The following BAZ2A variants were observed in gnomAD, a reference collection of about 807,000 sequenced individuals.
BAZ2A encodes bromodomain adjacent to zinc finger domain protein 2A.
A neutral mutation model predicts 199.9 loss-of-function variants in BAZ2A; 34 were observed. The observed-to-expected ratio is 0.17, with a 90% CI of 0.13 to 0.23. The LOEUF (loss-of-function observed/expected upper bound fraction) is 0.23, where lower values mean the gene tolerates loss of function less well. Ranked by LOEUF, BAZ2A falls within the 10% of genes least tolerant of loss-of-function variation. The pLI is 1.00. For missense variants in BAZ2A, 2,002 were observed against 2,391.1 expected, an observed-to-expected ratio of 0.84 and a Z score of 3.39; for synonymous variants, 857 against 883.9, an observed-to-expected ratio of 0.97 and a Z score of 0.54.
Position 56,600,209 on chromosome 12 carries a change from A to T in BAZ2A, c.4884T>A (p.Thr1628=). The T allele has an allele frequency of 6.2e-7, 1 of 1,613,966 alleles. No individual in the cohort carries two copies. Among genetic ancestry groups the T allele is most frequent in the Non-Finnish European group, 8.5e-7 (1 of 1,179,828 alleles). ...GGGTGGGAGTCACTCACATCTCTGT[A>T]GTGGTGCCCTCAGGGGCACCATTAG... is the stretch of plus-strand genomic sequence containing the variant. ...STPNGAPEGT[T]TEISYEITPR... The change falls in exon 24 of 29, where the codon ACT becomes ACA. Residue 1628 remains threonine, a synonymous_variant. Transcript: ENST00000549884.
chr12:56,600,924 G>A lies in BAZ2A; in HGVS notation c.4450+19C>T, dbSNP rs1886403699. On this transcript the variant is annotated intron_variant, in intron 22 of 28. Coordinates refer to ENST00000549884, the MANE Select transcript of BAZ2A (RefSeq NM_001300905.2). Reference sequence around the variant, plus strand: ...ATCCTGGGCTCTTCAGCTCAAGCTGGGTGTAGGAATGTATTTACCAGCTGA... The same window carrying A: ...ATCCTGGGCTCTTCAGCTCAAGCTGAGTGTAGGAATGTATTTACCAGCTGA... 5 of 1,613,232 alleles carry A rather than the reference G, an allele frequency of 3.1e-6. No homozygotes were observed. Among genetic ancestry groups the A allele is most frequent in the Non-Finnish European group, 4.2e-6 (5 of 1,179,468 alleles).
chr12:56,636,234 C>T, exon 1 of BAZ2A: 1 of 1,579,918 alleles, frequency 6.3e-7, no homozygotes, highest in African/African-American at 1.3e-5. Context: ...CCTCACTGTC[C>T]TTGGGCCTCC....
At chr12:56,625,896 A>G (rs1247109697) in intron 1 of BAZ2A, among the ~76,000 whole-genome samples, 1 of 150,828 alleles carries the variant, frequency 6.6e-6, no homozygotes, top group Admixed American at 6.6e-5. Context: ...AAAAAAAAAA[A>G]ACAACAACAA....
chr12:56,599,414 A>G (rs187470087), intron 26 of BAZ2A, 56 bp from the exon 27 acceptor site: 331 of 1,541,394 alleles, frequency 2.1e-4, no homozygotes, highest in Non-Finnish European at 2.8e-4. Context: ...TGCTTGCCCT[A>G]CTACAATCTC....
chr12:56,603,141 C>A (rs1950235479), intron 18 of BAZ2A, among the ~76,000 whole-genome samples: 1 of 152,172 alleles, frequency 6.6e-6, no homozygotes, highest in Non-Finnish European at 1.5e-5. Flanking sequence ...ATTAGCCAGG[C>A]ATGGTGGCTC....
At chr12:56,630,073 A>T in intron 1 of BAZ2A, 52 bp downstream of exon 1, 2 of 940,542 alleles carry the variant, frequency 2.1e-6, no homozygotes, top group Non-Finnish European at 2.5e-6. Context: ...GAAGCCTCGG[A>T]TGAAAGCGGG....
chr12:56,627,113 G>A (rs1184890800), intron 1 of BAZ2A, among the ~76,000 whole-genome samples: 2 of 152,144 alleles, frequency 1.3e-5, no homozygotes, highest in East Asian at 1.9e-4. Flanking sequence ...AGGGGTTTTT[G>A]CCTGGAAAAT....
At chr12:56,633,845 C>T (rs766728287), upstream of BAZ2A, among the ~76,000 whole-genome samples, 4 of 152,114 alleles carry the variant, frequency 2.6e-5, no homozygotes, top group Admixed American at 6.5e-5. Flanking sequence ...TCCAGCCTGC[C>T]AGGTTCAAGC....
intron 1 of BAZ2A, among the ~76,000 whole-genome samples, chr12:56,623,754 G>A (rs1048764647): frequency 4.6e-5 from 7 of 151,922 alleles, no homozygotes; most frequent in African/African-American, 1.2e-4. Context: ...ACAGGACAGC[G>A]CCCCCCACAA....
In BAZ2A at chr12:56,604,769, C is replaced by CA; in HGVS notation, c.2778dup (p.Glu927Ter). ...ACATTGTCTCTTGTCAGTGGGATCT[C>CA]AGACACCTTCTCCCCCAAGATCTTT... On this transcript the variant is annotated frameshift_variant, in exon 15 of 29. Transcript: ENST00000549884. LOFTEE classifies it high-confidence loss of function. 6.2e-7 allele frequency: 1 copy of CA among 1,613,824 alleles called. No homozygotes were observed.
At position 56,605,206 on chromosome 12, in the gene BAZ2A, T is replaced by C; in HGVS notation, c.2615A>G (p.Lys872Arg). The change falls in exon 14 of 29, where the codon AAA (lysine) becomes AGA (arginine). Residue 872 changes from lysine to arginine, a missense_variant. By Grantham distance (26) the Lys-to-Arg change is conservative. This residue lies in a region of BAZ2A where 1,081 missense variants were observed against 1,274.7 expected (regional missense o/e 0.85). Transcript: ENST00000549884. Reference sequence around the variant, plus strand: ...CAGGACCCCCAGGCTAGGCACATCTTTGGCAGGATCAAAGCCCAGCACCTT... The same window carrying C: ...CAGGACCCCCAGGCTAGGCACATCTCTGGCAGGATCAAAGCCCAGCACCTT... ...FGKVLGFDPA[K>R]DVPSLGVLQE... 6.2e-7 allele frequency: 1 copy of C among 1,613,724 alleles called. No homozygotes were observed. Among genetic ancestry groups the C allele is most frequent in the African/African-American group, 1.3e-5 (1 of 74,942 alleles).
At position 56,601,946 on chromosome 12, in the gene BAZ2A, T is replaced by A. The variant is rs757528722; in HGVS notation, c.3671A>T (p.Gln1224Leu). ...QPQAQLQPEA[Q>L]LHAPAQPQPQ... is the part of the protein sequence containing the mutation. ...CTGGGGCTGGGCAGGAGCATGAAGC[T>A]GAGCCTCAGGCTGAAGCTGGGCCTG... Residue 1224 changes from glutamine to leucine, a missense_variant, in exon 20 of 29, where the codon CAG (glutamine) becomes CTG (leucine). Gln to Leu is a moderately radical substitution (Grantham distance 113). This residue lies in a region of BAZ2A where 1,081 missense variants were observed against 1,274.7 expected (regional missense o/e 0.85). Coordinates refer to ENST00000549884, the MANE Select transcript of BAZ2A (RefSeq NM_001300905.2). The A allele has an allele frequency of 2.5e-6, 4 of 1,573,026 alleles. No homozygotes were observed. The East Asian group carries it at 9.5e-5, about 37-fold the overall frequency.
intron 1 of BAZ2A, among the ~76,000 whole-genome samples, chr12:56,622,622 A>G (rs1426941933): frequency 3.9e-5 from 6 of 152,184 alleles, no homozygotes; most frequent in Admixed American, 3.9e-4. Flanking sequence ...CAGAGCTAGT[A>G]AGAACAGTAA....
intron 1 of BAZ2A, among the ~76,000 whole-genome samples, chr12:56,624,627 A>C (rs1951023353): frequency 2.0e-5 from 3 of 152,106 alleles, no homozygotes; most frequent in Non-Finnish European, 2.9e-5. Context: ...AAAAAAAAAA[A>C]AAAAAAACTC....
At chr12:56,638,219 G>A (rs1059859), upstream of BAZ2A, 1 of 986,172 alleles carries the variant, frequency 1.0e-6, no homozygotes, top group East Asian at 2.4e-5. Context: ...ATACTGTTCA[G>A]AAAGAATATA....
rs1380739706 is a variant in BAZ2A, at chr12:56,635,510, C to A, written c.4+672G>T. On this transcript the variant is annotated intron_variant, in intron 1 of 29. Transcript: ENST00000379441. The surrounding 1 kb of genome is among the most constrained non-coding windows in gnomAD (Gnocchi z 4.1). ...CTGTGGGGCCTTTGGAATCAGGAAG[C>A]CACGAAGGCAAAAACCTCCTATCCT... Among the ~76,000 whole-genome samples the A allele has an allele frequency of 6.6e-6, 1 of 152,100 alleles. No homozygotes were observed. The highest frequency in any genetic ancestry group is 1.5e-5 in the Non-Finnish European group (1 of 68,006).
Position 56,617,069 on chromosome 12 carries a change from T to C in BAZ2A, c.136+326A>G, listed in dbSNP as rs1950747218. ...CTCTCAGTCCTGGCCCAGTGTAGCT[T>C]CCCTAACCTCTAAAAACAGCTTCTT... On this transcript the variant is annotated intron_variant, in intron 2 of 28. Transcript: ENST00000549884. Among the ~76,000 whole-genome samples, 6 of 152,222 alleles carry C rather than the reference T, an allele frequency of 3.9e-5. No homozygotes were observed. The South Asian group carries it at 1.2e-3, about 32-fold the overall frequency.
In BAZ2A at chr12:56,603,610, C is replaced by A; in HGVS notation, c.3129G>T (p.Arg1043=). Residue 1043 remains arginine, a synonymous_variant, in exon 17 of 29, where the codon CGG becomes CGT. Coordinates refer to ENST00000549884, the MANE Select transcript of BAZ2A (RefSeq NM_001300905.2). ...CCATGCCACTGGTCTCCTCCATGAT[C>A]CGAGAACTGCGCCTCCGTCCCAGGC... ...EECLGRRRSS[R]IMEETSGMEE... 1 of 1,614,054 alleles carries A rather than the reference C, an allele frequency of 6.2e-7. No individual in the cohort carries two copies. Among genetic ancestry groups the A allele is most frequent in the South Asian group, 1.1e-5 (1 of 91,088 alleles).
At chr12:56,605,761 A>G in intron 13 of BAZ2A, 69 bp downstream of exon 13, 1 of 1,329,216 alleles carries the variant, frequency 7.5e-7, no homozygotes, top group Admixed American at 2.5e-5. Context: ...CCATTGCAGA[A>G]GTCCTTTTTT....
Sources: gnomAD v4.1 joint callset for allele counts (sites outside exome capture counted in the v4.1 genomes callset) on GRCh38, gnomAD v4.1.1 for gene constraint, gnomAD v4.1.1 regional missense constraint, Gnocchi (gnomAD v3.1) non-coding constraint, MANE v1.5 for transcripts, NCBI Gene and HGNC (gene_info 2026-07-23, HGNC 2026-07-21) for gene names.